The following LETMD1 variants were observed in gnomAD, a reference collection of about 807,000 sequenced individuals.
The protein encoded by LETMD1 is LETM1 domain-containing protein 1.
LETMD1 carries 30 observed loss-of-function variants against 43.9 expected under a neutral mutation model. The observed-to-expected ratio is 0.68, with a 90% confidence interval of 0.51 to 0.93. The LOEUF (loss-of-function observed/expected upper bound fraction) is 0.93. Ranked by LOEUF, LETMD1 falls within the 40% of genes least tolerant of loss-of-function variation. The pLI, the probability that LETMD1 is intolerant of heterozygous loss-of-function variation, is 0.00. For synonymous variants in LETMD1, 176 were observed against 163.1 expected (o/e 1.08, Z -0.60); for missense variants, 413 against 447.7 (o/e 0.92, Z 0.70).
At chr12:51,064,437 TG>T, downstream of LETMD1, 1 of 1,611,360 alleles carries the variant, frequency 6.2e-7, no homozygotes, top group Non-Finnish European at 8.5e-7. Flanking sequence ...AATGAACTCC[TG>T]GAAGTCCTGG....
chr12:51,059,523 G>A lies in LETMD1; in HGVS notation c.*92G>A. Reference sequence around the variant, plus strand: ...CTTGCCAGCAAAGTCTGTGTGTACTGTTAAGTGTGTGGGAGGCAGAGAGAG... The same window carrying A: ...CTTGCCAGCAAAGTCTGTGTGTACTATTAAGTGTGTGGGAGGCAGAGAGAG... On this transcript the variant is annotated 3_prime_UTR_variant, in exon 9 of 9. Transcript: ENST00000262055. The A allele has an allele frequency of 1.8e-6, 2 of 1,132,828 alleles. No homozygotes were observed. Among genetic ancestry groups the A allele is most frequent in the Non-Finnish European group, 2.7e-6 (2 of 747,752 alleles). 70.2% of individuals were successfully genotyped at this position (1,132,828 alleles called of 1,614,324 possible).
chr12:51,048,328 TCTTCTCTCCCG>T lies in LETMD1; in HGVS notation c.-20_-10del. The T allele has an allele frequency of 6.2e-7, 1 of 1,613,894 alleles. No homozygotes were observed. The highest frequency in any genetic ancestry group is 8.5e-7 in the Non-Finnish European group (1 of 1,179,898). ...GGTTAACTTTGACCCAAAGACAACC[TCTTCTCTCCCG>T]CTTCTCTCGCTGTGAAGATGGCGCT... On this transcript the variant is annotated 5_prime_UTR_variant, in exon 1 of 9. Coordinates refer to ENST00000262055, the MANE Select transcript of LETMD1 (RefSeq NM_015416.5).
At chr12:51,055,322 G>A (rs1050467482) in intron 4 of LETMD1, among the ~76,000 whole-genome samples, 1 of 151,998 alleles carries the variant, frequency 6.6e-6, no homozygotes, top group Non-Finnish European at 1.5e-5. Flanking sequence ...CAGTAATGGT[G>A]CTTGAAATTG....
At chr12:51,065,733 C>T in the LETMD1 span, among the ~76,000 whole-genome samples, 1 of 152,170 alleles carries the variant, frequency 6.6e-6, no homozygotes, top group Non-Finnish European at 1.5e-5. Context: ...GTGCTAGTTA[C>T]AGGTGTGAGC....
intron 1 of LETMD1, chr12:51,048,804 G>T (rs992353053): frequency 3.4e-6 from 2 of 593,658 alleles, no homozygotes; most frequent in Non-Finnish European, 5.9e-6. Flanking sequence ...CACAGGCATT[G>T]CGCTCTCTCC....
At position 51,056,377 on chromosome 12, in the gene LETMD1, A is replaced by G; in HGVS notation, c.790A>G (p.Thr264Ala). Residue 264 changes from threonine (T) to alanine (A), a missense_variant, in exon 7 of 9, where the codon ACA becomes GCA. Transcript: ENST00000262055. ...AGCCTTGAGCCGGGCCATGCTTCTC[A>G]CATCTTACCTGCCTCCTCCCTTGTT... ...VKALSRAMLL[T>A]SYLPPPLLRH... The G allele has an allele frequency of 6.2e-7, 1 of 1,614,212 alleles. No individual in the cohort carries two copies. Among genetic ancestry groups the G allele is most frequent in the Non-Finnish European group, 8.5e-7 (1 of 1,180,048 alleles).
chr12:51,048,245 A>G (rs755820049), upstream of LETMD1: 20 of 1,396,568 alleles, frequency 1.4e-5, no homozygotes, highest in African/African-American at 2.8e-4. Context: ...CAAGCAGGCT[A>G]TGGCTACCAA....
chr12:51,052,705 C>A (rs538886918), intron 3 of LETMD1, among the ~76,000 whole-genome samples: 3 of 148,992 alleles, frequency 2.0e-5, no homozygotes, highest in Non-Finnish European at 4.5e-5. Context: ...CGTTTGAACC[C>A]GGGAGGCAGA....
the LETMD1 span, among the ~76,000 whole-genome samples, chr12:51,068,296 C>T: frequency 1.2e-4 from 19 of 152,112 alleles, no homozygotes; most frequent in Non-Finnish European, 2.6e-4. Context: ...GGATTACAGG[C>T]GTGAGTCACC....
rs1329884802 is a variant in LETMD1, at chr12:51,048,472, C to A, written c.116C>A (p.Ala39Asp). Residue 39 changes from alanine (A) to aspartate (D), a missense_variant, in exon 1 of 9, where the codon GCC (alanine) becomes GAC (aspartate). Physicochemically the swap from Ala to Asp is moderately radical, Grantham distance 126. Coordinates refer to ENST00000262055, the MANE Select transcript of LETMD1 (RefSeq NM_015416.5). The part of the protein sequence containing the change: ...QLGRSGLAWG[A>D]PRSSKLHLSP... The stretch of plus-strand genomic sequence containing the variant: ...GGTCGCTCTGGCCTGGCTTGGGGGG[C>A]CCCTCGGTGAGGGACCTGTAGCGAG... 4 of 1,613,232 alleles carry A rather than the reference C, an allele frequency of 2.5e-6. No homozygotes were observed. The highest frequency in any genetic ancestry group is 2.7e-5 in the African/African-American group (2 of 74,908).
Position 51,056,167 on chromosome 12 carries a change from A to G in LETMD1, c.684A>G (p.Ala228=). 1 of 1,614,254 alleles carries G rather than the reference A, an allele frequency of 6.2e-7. No homozygotes were observed. The highest frequency in any genetic ancestry group is 8.5e-7 in the Non-Finnish European group (1 of 1,180,050). ...AGATACAGCGTGGTACCCACCCAGC[A>G]ATACATGATATCTTGGCTCTGAGAG... The part of the protein sequence containing the change: ...CTKIQRGTHP[A]IHDILALREC... The change falls in exon 6 of 9, where the codon GCA becomes GCG. Residue 228 remains alanine, a synonymous_variant. Coordinates refer to ENST00000262055, the MANE Select transcript of LETMD1 (RefSeq NM_015416.5).
chr12:51,064,094 C>A (rs369508518), downstream of LETMD1: 37 of 1,614,158 alleles, frequency 2.3e-5, 2 homozygotes, highest in South Asian at 6.6e-5. Context: ...CTTTCACTCC[C>A]AAGACTGGCC....
intron 4 of LETMD1, 121 bp from the exon 5 acceptor site, chr12:51,055,713 AG>A: frequency 2.1e-6 from 1 of 472,664 alleles, no homozygotes; most frequent in Non-Finnish European, 3.8e-6. Context: ...AAGAACACTG[AG>A]GTAGGGAAAT....
chr12:51,061,389 G>A (rs1483015123), downstream of LETMD1: 2 of 152,580 alleles, frequency 1.3e-5, no homozygotes, highest in Non-Finnish European at 2.9e-5. Context: ...TAAGGGTTGT[G>A]GTAATAAGAG....
intron 7 of LETMD1, 112 bp from the exon 8 acceptor site, chr12:51,057,920 C>T (rs1018984953): frequency 2.1e-5 from 18 of 845,578 alleles, no homozygotes; most frequent in Admixed American, 7.4e-5. Context: ...CCACCGTGCC[C>T]GGTGAGATTG....
chr12:51,064,223 C>CAG (rs1362239804), downstream of LETMD1: 4 of 1,613,632 alleles, frequency 2.5e-6, no homozygotes, highest in Non-Finnish European at 3.4e-6. Flanking sequence ...AGCCTGGGGG[C>CAG]AGCTGAGCCT....
At chr12:51,055,086 C>T (rs980731731) in intron 4 of LETMD1, among the ~76,000 whole-genome samples, 2 of 151,450 alleles carry the variant, frequency 1.3e-5, no homozygotes, top group African/African-American at 2.4e-5. Flanking sequence ...GGTGACAGAG[C>T]GAGACTCTGT....
intron 4 of LETMD1, chr12:51,055,550 A>G: frequency 3.7e-6 from 1 of 273,314 alleles, no homozygotes; most frequent in Non-Finnish European, 6.8e-6. Context: ...CTGTAGTCCC[A>G]GCTACTCAGT....
At position 51,056,170 on chromosome 12, in the gene LETMD1, A is replaced by G. The variant is rs2136686550; in HGVS notation, c.687A>G (p.Ile229Met). ...TKIQRGTHPA[I>M]HDILALRECF... The stretch of plus-strand genomic sequence containing the variant: ...TACAGCGTGGTACCCACCCAGCAAT[A>G]CATGATATCTTGGCTCTGAGAGAGT... Residue 229 changes from isoleucine (I) to methionine (M), a missense_variant, in exon 6 of 9, where the codon ATA becomes ATG. Physicochemically the swap from Ile to Met is conservative, Grantham distance 10. Transcript: ENST00000262055. 1.2e-6 allele frequency: 2 copies of G among 1,614,242 alleles called. No homozygotes were observed. Among genetic ancestry groups the G allele is most frequent in the East Asian group, 4.5e-5 (2 of 44,884 alleles).
Sources: allele counts gnomAD v4.1 joint callset (sites outside exome capture counted in the v4.1 genomes callset), GRCh38; gene constraint gnomAD v4.1.1; transcripts MANE v1.5; gene names NCBI Gene and HGNC (gene_info 2026-07-23, HGNC 2026-07-21).